Variants in CFHR5 observed in about 807,000 individuals in gnomAD.
The protein encoded by CFHR5 is complement factor H related 5.
A neutral mutation model predicts 62.9 loss-of-function variants in CFHR5; 73 were observed. The ratio of observed to expected loss-of-function variants is 1.16; its 90% confidence interval spans 0.96 to 1.41. CFHR5 has a LOEUF of 1.41. Ranked by LOEUF, CFHR5 falls within the 40% of genes most tolerant of loss-of-function variation. The probability of loss-of-function intolerance (pLI) is 0.00; values close to 1 mark genes in which losing one functional copy is unlikely to be tolerated. For synonymous variants in CFHR5, 249 were observed against 227.2 expected, an observed-to-expected ratio of 1.10 and a Z score of -0.86; for missense variants, 779 against 679.9, an observed-to-expected ratio of 1.15 and a Z score of -1.62.
At chr1:196,976,943 T>C (rs1653410237), upstream of CFHR5, among the ~76,000 whole-genome samples, 2 of 151,356 alleles carry the variant, frequency 1.3e-5, no homozygotes, top group Admixed American at 1.3e-4. Context: ...TAGCTGGGAC[T>C]ACAGGCGCCC....
At chr1:197,001,310 T>C (rs778717901) in intron 7 of CFHR5, among the ~76,000 whole-genome samples, 2 of 152,056 alleles carry the variant, frequency 1.3e-5, no homozygotes, top group Admixed American at 6.6e-5. Context: ...TAAGGAAAAA[T>C]CCAGTATAAA....
chr1:196,995,949 T>C, intron 5 of CFHR5, 50 bp downstream of exon 5: 2 of 1,591,326 alleles, frequency 1.3e-6, no homozygotes, highest in Non-Finnish European at 1.7e-6. Context: ...ACTTTGCACT[T>C]ATATATAAAT....
At chr1:196,983,899 AT>A in intron 2 of CFHR5, 61 bp from the exon 3 acceptor site, 1 of 1,196,346 alleles carries the variant, frequency 8.4e-7, no homozygotes, top group Non-Finnish European at 1.2e-6. Context: ...TTAATGAAAT[AT>A]TTTTAAATGC....
chr1:196,975,116 T>C (rs961342648), upstream of CFHR5, among the ~76,000 whole-genome samples: 1 of 152,130 alleles, frequency 6.6e-6, no homozygotes, highest in Admixed American at 6.6e-5. Flanking sequence ...GTGAAGCAGG[T>C]ATTTCCAAAT....
At chr1:196,989,762 C>T (rs1482477782) in intron 3 of CFHR5, among the ~76,000 whole-genome samples, 1 of 152,072 alleles carries the variant, frequency 6.6e-6, no homozygotes, top group Non-Finnish European at 1.5e-5. Context: ...TGTTCTTTTA[C>T]ATTTGCTGAG....
chr1:196,991,046 G>A (rs180702046), intron 3 of CFHR5, among the ~76,000 whole-genome samples: 121 of 151,776 alleles, frequency 8.0e-4, no homozygotes, highest in Non-Finnish European at 9.0e-4. Context: ...CATATTTCTC[G>A]GAGGCTTTGT....
chr1:196,993,644 A>G (rs1653908772), intron 3 of CFHR5, among the ~76,000 whole-genome samples: 1 of 152,174 alleles, frequency 6.6e-6, no homozygotes, highest in Admixed American at 6.5e-5. Flanking sequence ...ACAAAAAGTA[A>G]TTAAATATGT....
In CFHR5 at chr1:196,983,041, G is replaced by A. The variant is rs368326752; in HGVS notation, c.215G>A (p.Cys72Tyr). The change falls in exon 2 of 10, where the codon TGC becomes TAC. Residue 72 changes from cysteine to tyrosine, a missense_variant. By Grantham distance (194) the Cys-to-Tyr change is radical. Coordinates refer to ENST00000256785, the MANE Select transcript of CFHR5 (RefSeq NM_030787.4). ...AAATCCTTTTGGACTCGCATAACAT[G>A]CACAGAAGAAGGATGGTCACCAACA... ...PSKSFWTRITCTEEGWSPTPK... is the reference protein window; with the variant it reads ...PSKSFWTRITYTEEGWSPTPK... The A allele has an allele frequency of 6.2e-7, 1 of 1,613,908 alleles. No homozygotes were observed. The highest frequency in any genetic ancestry group is 1.3e-5 in the African/African-American group (1 of 74,860).
intron 3 of CFHR5, among the ~76,000 whole-genome samples, 186 bp downstream of exon 3, chr1:196,984,323 T>C (rs1033553627): frequency 6.6e-6 from 1 of 152,182 alleles, no homozygotes; most frequent in Non-Finnish European, 1.5e-5. Context: ...ATAAATCAAA[T>C]GTACGTAATA....
At position 197,002,227 on chromosome 1, in the gene CFHR5, G is replaced by A. The variant is rs952210184; in HGVS notation, c.1148-255G>A. On this transcript the variant is annotated intron_variant, in intron 7 of 9. Transcript: ENST00000256785. ...GAATTGACAGGAATAATGAATAGGAGATACAAGAGAGCATCTGAAAAATTT... is the reference window on the plus strand; with the variant it reads ...GAATTGACAGGAATAATGAATAGGAAATACAAGAGAGCATCTGAAAAATTT... Among the ~76,000 whole-genome samples, 11 of 152,002 alleles carry A rather than the reference G, an allele frequency of 7.2e-5. No individual in the cohort carries two copies. In the East Asian group the frequency reaches 2.1e-3, roughly 29 times the overall value.
At chr1:197,004,928 C>T (rs1654246990) in intron 9 of CFHR5, 85 bp downstream of exon 9, 1 of 1,038,404 alleles carries the variant, frequency 9.6e-7, no homozygotes, top group African/African-American at 1.6e-5. Flanking sequence ...ATAACCCTTA[C>T]TTAAGTTTCA....
intron 4 of CFHR5, among the ~76,000 whole-genome samples, chr1:196,995,010 A>T (rs747812948): frequency 6.6e-6 from 1 of 152,168 alleles, no homozygotes; most frequent in Non-Finnish European, 1.5e-5. Flanking sequence ...AACACATAGG[A>T]ATTGTGGGAG....
At chr1:197,005,260 A>T (rs1425098998) in intron 9 of CFHR5, among the ~76,000 whole-genome samples, 1 of 152,162 alleles carries the variant, frequency 6.6e-6, no homozygotes, top group Non-Finnish European at 1.5e-5. Context: ...CCCTAGTAGA[A>T]CACCTAGTTG....
At chr1:196,999,724 C>T (rs929431330) in intron 7 of CFHR5, among the ~76,000 whole-genome samples, 96 of 61,758 alleles carry the variant, frequency 1.6e-3, no homozygotes, top group East Asian at 2.2e-3. Context: ...TATATATATA[C>T]ACACACACAC....
At chr1:196,989,004 C>CT (rs200547783) in intron 3 of CFHR5, among the ~76,000 whole-genome samples, 4,229 of 152,040 alleles carry the variant, frequency 0.028, 190 homozygotes, top group African/African-American at 0.092. Flanking sequence ...TGGTCCTGAA[C>CT]TTTTTTGGGT....
rs1653605889 is a variant in CFHR5, at chr1:196,983,827, G to GCATGAC, written c.254-132_254-127dup. 108 of 610,062 alleles carry GCATGAC rather than the reference G, an allele frequency of 1.8e-4. 1 individual carries two copies. In the South Asian group the frequency reaches 2.3e-3, roughly 13 times the overall value. 37.8% of individuals were successfully genotyped at this position (610,062 alleles called of 1,614,324 possible). On this transcript the variant is annotated intron_variant, in intron 2 of 9. Coordinates refer to ENST00000256785, the MANE Select transcript of CFHR5 (RefSeq NM_030787.4). Reference sequence around the variant, plus strand: ...AATATATTTCATCATTTATACGGTAGCATGACCCAAATTCTTTTGAAAATA... The same window carrying GCATGAC: ...AATATATTTCATCATTTATACGGTAGCATGACCATGACCCAAATTCTTTTGAAAATA...
At chr1:196,976,601 T>C (rs148812890), upstream of CFHR5, among the ~76,000 whole-genome samples, 2,036 of 152,208 alleles carry the variant, frequency 0.013, 35 homozygotes, top group African/African-American at 0.044. Context: ...CCCAACATTA[T>C]GCTGTTTGGC....
intron 1 of CFHR5, among the ~76,000 whole-genome samples, chr1:196,979,871 A>T (rs1287242176): frequency 6.6e-6 from 1 of 152,144 alleles, no homozygotes; most frequent in African/African-American, 2.4e-5. Context: ...ATAATAAATT[A>T]ATTTATGATA....
At chr1:196,991,510 C>A (rs1653846687) in intron 3 of CFHR5, among the ~76,000 whole-genome samples, 1 of 152,078 alleles carries the variant, frequency 6.6e-6, no homozygotes, top group Non-Finnish European at 1.5e-5. Flanking sequence ...GTTTTATCTA[C>A]CTTTGGTCTT....
Sources: allele counts gnomAD v4.1 joint callset (sites outside exome capture counted in the v4.1 genomes callset), GRCh38; gene constraint gnomAD v4.1.1; transcripts MANE v1.5; gene names NCBI Gene and HGNC (gene_info 2026-07-23, HGNC 2026-07-21).